Variants in SPMIP4 observed in about 807,000 individuals in gnomAD.
SPMIP4 encodes sperm microtubule inner protein 4, also known as sperm-associated microtubule inner protein 4.
chr7:25,172,212 C>G, the SPMIP4 span, among the ~76,000 whole-genome samples: 5 of 152,140 alleles, frequency 3.3e-5, no homozygotes, highest in Non-Finnish European at 7.3e-5. This position sits in a 1 kb window ranked among gnomAD's most constrained non-coding sequence, Gnocchi z 4.2. Flanking sequence ...CACAGAGACT[C>G]TGAAAGTATG....
chr7:25,177,388 CAGG>C, the SPMIP4 span, among the ~76,000 whole-genome samples: 7,918 of 152,142 alleles, frequency 0.052, 266 homozygotes, highest in Middle Eastern at 0.082. Context: ...GAGGCTGAGG[CAGG>C]AGAATTGCTT....
At chr7:25,168,264 T>C in the SPMIP4 span, 7 of 1,582,550 alleles carry the variant, frequency 4.4e-6, no homozygotes, top group African/African-American at 2.8e-5. Context: ...AAGACCTTTC[T>C]GTGAATGGCA....
At chr7:25,174,001 A>G in the SPMIP4 span, among the ~76,000 whole-genome samples, 6 of 152,224 alleles carry the variant, frequency 3.9e-5, no homozygotes, top group African/African-American at 1.4e-4. This position sits in a 1 kb window ranked among gnomAD's most constrained non-coding sequence, Gnocchi z 4.5. Flanking sequence ...TAAAATAAAA[A>G]TTGACATTTT....
the SPMIP4 span, among the ~76,000 whole-genome samples, chr7:25,130,676 T>C: frequency 5.3e-5 from 8 of 152,198 alleles, no homozygotes; most frequent in African/African-American, 1.9e-4. Context: ...CCTAACCTTG[T>C]GACCTTTCAT....
chr7:25,142,294 G>C, the SPMIP4 span: 2 of 1,612,808 alleles, frequency 1.2e-6, no homozygotes, highest in Non-Finnish European at 1.7e-6. Context: ...ATCTTTTCAT[G>C]GTAATCATCC....
At chr7:25,155,839 C>T in the SPMIP4 span, among the ~76,000 whole-genome samples, 1 of 151,878 alleles carries the variant, frequency 6.6e-6, no homozygotes, top group Non-Finnish European at 1.5e-5. Context: ...AAAAAAAAAC[C>T]ATGTGGGAGC....
chr7:25,140,226 G>T, the SPMIP4 span, among the ~76,000 whole-genome samples: 5 of 152,094 alleles, frequency 3.3e-5, no homozygotes, highest in African/African-American at 1.2e-4. Context: ...ACCTGCTCCT[G>T]GTGTTATGAT....
chr7:25,158,744 C>CA, the SPMIP4 span, among the ~76,000 whole-genome samples: 1 of 150,290 alleles, frequency 6.7e-6, no homozygotes, highest in Non-Finnish European at 1.5e-5. Flanking sequence ...CCAAAAATAC[C>CA]AAAAATACAA....
the SPMIP4 span, among the ~76,000 whole-genome samples, chr7:25,146,050 G>C: frequency 6.6e-6 from 1 of 152,086 alleles, no homozygotes; most frequent in Admixed American, 6.5e-5. Flanking sequence ...GGGAATACTG[G>C]TTCTTTATTA....
At chr7:25,180,290 G>A in the SPMIP4 span, 1 of 152,382 alleles carries the variant, frequency 6.6e-6, no homozygotes, top group Non-Finnish European at 1.5e-5. Context: ...GGACTGGCAA[G>A]AATGCGAAGA....
At chr7:25,127,693 C>G in the SPMIP4 span, among the ~76,000 whole-genome samples, 1 of 151,912 alleles carries the variant, frequency 6.6e-6, no homozygotes, top group Non-Finnish European at 1.5e-5. Context: ...TCACTTGTGC[C>G]TTCATTAGTT....
chr7:25,141,017 G>C, the SPMIP4 span, among the ~76,000 whole-genome samples: 1 of 151,998 alleles, frequency 6.6e-6, no homozygotes, highest in Admixed American at 6.6e-5. Context: ...ATAAAATTTA[G>C]GCCTCAAATA....
chr7:25,140,462 C>T, the SPMIP4 span, among the ~76,000 whole-genome samples: 6 of 152,096 alleles, frequency 3.9e-5, no homozygotes, highest in Non-Finnish European at 8.8e-5. Flanking sequence ...CCACCATGCC[C>T]GGTTAATTTT....
the SPMIP4 span, among the ~76,000 whole-genome samples, chr7:25,145,255 T>C: frequency 1.3e-5 from 2 of 152,112 alleles, no homozygotes; most frequent in Non-Finnish European, 2.9e-5. Flanking sequence ...TGAGTCACCA[T>C]GCCCGGCCAA....
the SPMIP4 span, chr7:25,161,323 T>C: frequency 9.2e-6 from 8 of 871,872 alleles, no homozygotes; most frequent in South Asian, 5.6e-5. Flanking sequence ...AATGGTGAGA[T>C]AGTAAAAGAC....
At chr7:25,147,706 T>C in the SPMIP4 span, among the ~76,000 whole-genome samples, 1 of 152,250 alleles carries the variant, frequency 6.6e-6, no homozygotes, top group Non-Finnish European at 1.5e-5. Context: ...CATTTCTTTA[T>C]GTTGCTAGGT....
At chr7:25,131,940 G>A in the SPMIP4 span, among the ~76,000 whole-genome samples, 5 of 152,202 alleles carry the variant, frequency 3.3e-5, no homozygotes, top group African/African-American at 4.8e-5. This position sits in a 1 kb window ranked among gnomAD's most constrained non-coding sequence, Gnocchi z 4.2. Context: ...AGTCAGCGGC[G>A]GGTCTGCGAC....
At chr7:25,171,137 G>C in the SPMIP4 span, among the ~76,000 whole-genome samples, 1 of 152,194 alleles carries the variant, frequency 6.6e-6, no homozygotes, top group Non-Finnish European at 1.5e-5. Context: ...AGTTAATCAT[G>C]TCTCCAAGTC....
At chr7:25,148,263 A>C in the SPMIP4 span, among the ~76,000 whole-genome samples, 1 of 152,150 alleles carries the variant, frequency 6.6e-6, no homozygotes, top group South Asian at 2.1e-4. Flanking sequence ...GCAATAGGAA[A>C]GGTAAATACT....
Sources: gnomAD v4.1 joint callset for allele counts (sites outside exome capture counted in the v4.1 genomes callset) on GRCh38, gnomAD v4.1.1 for gene constraint, Gnocchi (gnomAD v3.1) non-coding constraint, MANE v1.5 for transcripts, NCBI Gene and HGNC (gene_info 2026-07-23, HGNC 2026-07-21) for gene names.